The following RUNX2 variants were observed in gnomAD, a reference collection of about 807,000 sequenced individuals.
RUNX2 encodes RUNX family transcription factor 2, also known as runt-related transcription factor 2.
A neutral mutation model predicts 51.7 loss-of-function variants in RUNX2; 10 were observed. That is an observed-to-expected ratio of 0.19 (90% CI 0.12 to 0.33). The LOEUF (loss-of-function observed/expected upper bound fraction) is 0.33. Ranked by LOEUF, RUNX2 falls within the 10% of genes least tolerant of loss-of-function variation. The pLI is 1.00. For synonymous variants in RUNX2, 276 were observed against 273.6 expected, an observed-to-expected ratio of 1.01 and a Z score of -0.09; for missense variants, 562 against 691.3, an observed-to-expected ratio of 0.81 and a Z score of 2.10.
intron 2 of RUNX2, among the ~76,000 whole-genome samples, chr6:45,398,755 C>T (rs1396627211): frequency 6.6e-6 from 1 of 152,180 alleles, no homozygotes. Context: ...TAATAGCTAT[C>T]TTTTAATAAG....
chr6:45,413,457 G>C (rs1397545220), intron 2 of RUNX2, among the ~76,000 whole-genome samples: 6 of 42,268 alleles, frequency 1.4e-4, no homozygotes, highest in African/African-American at 5.8e-4. Context: ...TTTTTTTTTT[G>C]AGACAGCCTG....
intron 5 of RUNX2, among the ~76,000 whole-genome samples, chr6:45,491,063 G>A (rs1436372887): frequency 6.6e-6 from 1 of 152,112 alleles, no homozygotes; most frequent in Non-Finnish European, 1.5e-5. Flanking sequence ...AGAAGTCTTA[G>A]TATCTTGGTT....
intron 2 of RUNX2, among the ~76,000 whole-genome samples, chr6:45,407,124 A>G (rs1262305826): frequency 6.6e-6 from 1 of 152,122 alleles, no homozygotes; most frequent in East Asian, 1.9e-4. Context: ...ATTTACTATT[A>G]ATATTTTTTG....
chr6:45,360,093 A>T (rs1793990642), intron 2 of RUNX2, among the ~76,000 whole-genome samples: 1 of 152,244 alleles, frequency 6.6e-6, no homozygotes, highest in African/African-American at 2.4e-5. Flanking sequence ...TCAAAATAAA[A>T]AGTTTATTAA....
chr6:45,542,491 C>T (rs1037461931), intron 7 of RUNX2, among the ~76,000 whole-genome samples: 13 of 152,138 alleles, frequency 8.5e-5, no homozygotes, highest in Non-Finnish European at 1.8e-4. Flanking sequence ...TGAAATGCAT[C>T]TGTAGGAAGC....
chr6:45,530,096 C>T (rs1051474492), intron 7 of RUNX2, among the ~76,000 whole-genome samples: 5 of 152,210 alleles, frequency 3.3e-5, no homozygotes, highest in African/African-American at 9.7e-5. Flanking sequence ...CAGCTTTGGA[C>T]TTGCAAAGCC....
intron 2 of RUNX2, among the ~76,000 whole-genome samples, chr6:45,407,783 A>G (rs951616250): frequency 3.9e-5 from 6 of 152,054 alleles, no homozygotes; most frequent in Non-Finnish European, 8.8e-5. Flanking sequence ...TATAGGCATG[A>G]GCCACTGTGT....
rs73448170 is a variant in RUNX2 at position 45,506,318 on chromosome 6, C to A, written c.860-5928C>A. Among the ~76,000 whole-genome samples, 777 of 152,288 alleles carry A rather than the reference C, an allele frequency of 5.1e-3. 5 individuals carry two copies. Among genetic ancestry groups the A allele is most frequent in the African/African-American group, 0.018 (749 of 41,552 alleles). On this transcript the variant is annotated intron_variant, in intron 6 of 8. Transcript: ENST00000647337. ...TCAGATAGGAAAGACCTGATTTTCT[C>A]TCTCAAGTTTATGTTACAGGTCAGA...
At chr6:45,405,647 G>T (rs1425914395) in intron 2 of RUNX2, among the ~76,000 whole-genome samples, 1 of 152,102 alleles carries the variant, frequency 6.6e-6, no homozygotes, top group African/African-American at 2.4e-5. Flanking sequence ...AAATTAGCCG[G>T]GCGGTGGTGG....
In RUNX2 at chr6:45,397,940, C is replaced by T. The variant is rs114189267; in HGVS notation, c.59-24653C>T. Among the ~76,000 whole-genome samples the T allele has an allele frequency of 8.0e-3, 1,217 of 152,218 alleles. 13 individuals are homozygous for T. The highest frequency in any genetic ancestry group is 0.026 in the African/African-American group (1,087 of 41,514). On this transcript the variant is annotated intron_variant, in intron 2 of 8. Transcript: ENST00000647337. ...TCTTATCTCATTTTAGTGTTCCCTG[C>T]GTGTGACATTGAACCTAGCATTGTG...
At chr6:45,335,138 G>A (rs1788299041) in intron 2 of RUNX2, among the ~76,000 whole-genome samples, 1 of 151,024 alleles carries the variant, frequency 6.6e-6, no homozygotes, top group Non-Finnish European at 1.5e-5. Flanking sequence ...AACAATTTAA[G>A]CATTGAATTT....
At chr6:45,392,285 G>A (rs1001347308) in intron 2 of RUNX2, among the ~76,000 whole-genome samples, 1 of 152,118 alleles carries the variant, frequency 6.6e-6, no homozygotes, top group African/African-American at 2.4e-5. Context: ...CAGGAGGATT[G>A]CTTGAGGCTG....
intron 6 of RUNX2, among the ~76,000 whole-genome samples, chr6:45,506,160 C>G (rs1024474341): frequency 1.3e-5 from 2 of 152,146 alleles, no homozygotes; most frequent in Non-Finnish European, 2.9e-5. Flanking sequence ...GCTTTCTCGG[C>G]CCTGGGGACC....
At chr6:45,376,979 T>C (rs967278607) in intron 2 of RUNX2, among the ~76,000 whole-genome samples, 1 of 151,808 alleles carries the variant, frequency 6.6e-6, no homozygotes, top group Non-Finnish European at 1.5e-5. Context: ...TGCTAATTTA[T>C]CCACGTGTAC....
chr6:45,334,822 T>A (rs764533234), intron 2 of RUNX2, among the ~76,000 whole-genome samples: 1 of 151,152 alleles, frequency 6.6e-6, no homozygotes. Flanking sequence ...ATAATCAAAA[T>A]TTTTTTGCAT....
chr6:45,330,344 T>A (rs1787211120), intron 2 of RUNX2, among the ~76,000 whole-genome samples: 1 of 151,944 alleles, frequency 6.6e-6, no homozygotes, highest in African/African-American at 2.4e-5. Flanking sequence ...GTTTTGTTAC[T>A]ACTACCCAAG....
rs551434993 is a variant in RUNX2 at position 45,443,196 on chromosome 6, A to G, written c.685+5145A>G. 2.8e-3 allele frequency among the ~76,000 whole-genome samples: 420 copies of G among 151,928 alleles called. 2 individuals are homozygous for G. The highest frequency in any genetic ancestry group is 9.6e-3 in the African/African-American group (397 of 41,442). ...CTCCTGAGTAGCTGGGACTACAAGT[A>G]AGTGCCACTATACCTGGCTAATGTT... On this transcript the variant is annotated intron_variant, in intron 5 of 8. Coordinates refer to ENST00000647337, the MANE Select transcript of RUNX2 (RefSeq NM_001024630.4).
At chr6:45,455,918 T>C (rs941419618) in intron 5 of RUNX2, among the ~76,000 whole-genome samples, 2 of 152,328 alleles carry the variant, frequency 1.3e-5, no homozygotes, top group Non-Finnish European at 1.5e-5. Flanking sequence ...TAATCATACT[T>C]TTAGTTTTTG....
intron 6 of RUNX2, among the ~76,000 whole-genome samples, chr6:45,492,867 T>C (rs1193843835): frequency 6.6e-6 from 1 of 152,232 alleles, no homozygotes; most frequent in African/African-American, 2.4e-5. Context: ...TTATTATAAA[T>C]CTTTAATTTG....
Sources: gnomAD v4.1 joint callset for allele counts (sites outside exome capture counted in the v4.1 genomes callset) on GRCh38, gnomAD v4.1.1 for gene constraint, MANE v1.5 for transcripts, NCBI Gene and HGNC (gene_info 2026-07-23, HGNC 2026-07-21) for gene names.